RECK: variants seen among roughly 807,000 people sequenced by gnomAD.
RECK encodes reversion-inducing cysteine-rich protein with Kazal motifs.
In RECK, 69 loss-of-function variants were observed where a neutral mutation model predicts 115.1. The ratio of observed to expected loss-of-function variants is 0.60; its 90% CI spans 0.49 to 0.73. RECK has a LOEUF of 0.73. Among genes scored for constraint, RECK ranks in the 30% least tolerant of loss-of-function variants. The pLI is 0.00. For synonymous variants in RECK, 414 were observed against 419.7 expected (o/e 0.99, Z 0.17); for missense variants, 1,047 against 1,203.7 (o/e 0.87, Z 1.93).
chr9:36,091,349 A>T lies in RECK; in HGVS notation c.1085+6A>T. ...TGTACTAATTTTAACAACAGGTAAG[A>T]CAAATTATTATACATGGAATGGAAA... On this transcript the variant is annotated splice_donor_region_variant and intron_variant, in intron 10 of 20. Transcript: ENST00000377966. The T allele has an allele frequency of 6.8e-7, 1 of 1,470,412 alleles. No homozygotes were observed. Among genetic ancestry groups the T allele is most frequent in the East Asian group, 2.5e-5 (1 of 40,088 alleles). 91.1% of individuals were successfully genotyped at this position (1,470,412 alleles called of 1,614,324 possible).
chr9:36,045,853 C>T (rs1006588232), intron 1 of RECK, among the ~76,000 whole-genome samples: 1 of 152,094 alleles, frequency 6.6e-6, no homozygotes, highest in African/African-American at 2.4e-5. Context: ...TGGCCAAAAC[C>T]AGCAGCTGAA....
chr9:36,078,240 C>A (rs1255882988), intron 6 of RECK, among the ~76,000 whole-genome samples: 1 of 152,232 alleles, frequency 6.6e-6, no homozygotes, highest in Non-Finnish European at 1.5e-5. Flanking sequence ...TGGCCTCTGA[C>A]TTCTATTAAA....
intron 1 of RECK, among the ~76,000 whole-genome samples, chr9:36,049,491 C>T (rs1165650573): frequency 6.6e-6 from 1 of 151,390 alleles, no homozygotes; most frequent in Admixed American, 6.6e-5. Context: ...AATACACTAA[C>T]ACTAATGCAA....
chr9:36,104,310 A>ATAT (rs1823690965), intron 12 of RECK, among the ~76,000 whole-genome samples: 1 of 59,156 alleles, frequency 1.7e-5, no homozygotes, highest in Non-Finnish European at 2.8e-5. Flanking sequence ...ATATATATAT[A>ATAT]TATATATATA....
chr9:36,051,209 A>T (rs1821287111), intron 1 of RECK, among the ~76,000 whole-genome samples: 1 of 152,138 alleles, frequency 6.6e-6, no homozygotes, highest in South Asian at 2.1e-4. Context: ...TCTCATAAAC[A>T]CTTGGTTTTA....
chr9:36,093,802 T>C (rs768087274), intron 10 of RECK, among the ~76,000 whole-genome samples: 23 of 152,082 alleles, frequency 1.5e-4, no homozygotes, highest in Admixed American at 1.2e-3. Context: ...TAGCACATTA[T>C]AGTCAAACTG....
chr9:36,082,188 C>CTCTCTCTCTCTCTCTCTCTCTCT (rs1401784584), intron 7 of RECK, among the ~76,000 whole-genome samples: 8 of 146,506 alleles, frequency 5.5e-5, no homozygotes, highest in East Asian at 4.0e-4. Flanking sequence ...CTCTCTCTCT[C>CTCTCTCTCTCTCTCTCTCTCTCT]CTTTTTTCTT....
intron 14 of RECK, among the ~76,000 whole-genome samples, chr9:36,109,177 T>G (rs1182204651): frequency 6.6e-6 from 1 of 152,152 alleles, no homozygotes; most frequent in East Asian, 1.9e-4. Context: ...TTTCACTGAC[T>G]AAATGCCTAT....
chr9:36,040,434 G>A (rs886068944), intron 1 of RECK, among the ~76,000 whole-genome samples: 16 of 152,106 alleles, frequency 1.1e-4, no homozygotes, highest in African/African-American at 3.9e-4. Flanking sequence ...TAAGGCATAA[G>A]GAACAAAAGG....
intron 4 of RECK, among the ~76,000 whole-genome samples, chr9:36,062,159 A>C (rs899038771): frequency 8.4e-6 from 1 of 118,648 alleles, no homozygotes; most frequent in Non-Finnish European, 1.8e-5. Flanking sequence ...TGCATCTCCT[A>C]CTTTTTTTTT....
intron 2 of RECK, among the ~76,000 whole-genome samples, chr9:36,056,755 T>TAGG (rs200343640): frequency 0.025 from 3,866 of 152,324 alleles, 169 homozygotes; most frequent in African/African-American, 0.087. Flanking sequence ...ACAGCTACCT[T>TAGG]AGCCAGATCC....
intron 15 of RECK, among the ~76,000 whole-genome samples, chr9:36,110,737 T>A (rs962440109): frequency 5.9e-5 from 9 of 151,880 alleles, no homozygotes; most frequent in African/African-American, 2.2e-4. Context: ...TGCCCCCATT[T>A]CACACTGCTG....
intron 10 of RECK, among the ~76,000 whole-genome samples, chr9:36,093,982 G>T (rs1823251184): frequency 6.7e-6 from 1 of 149,616 alleles, no homozygotes; most frequent in South Asian, 2.1e-4. Flanking sequence ...AGTACTCAGA[G>T]AAAAAAAAAT....
At chr9:36,112,587 C>A in intron 16 of RECK, 111 bp downstream of exon 16, 1 of 1,173,188 alleles carries the variant, frequency 8.5e-7, no homozygotes, top group Admixed American at 2.2e-5. Context: ...CGCTGCTGCC[C>A]TGAAGAGTTT....
At position 36,116,782 on chromosome 9, in the gene RECK, G is replaced by C. The variant is rs1207443774; in HGVS notation, c.2061-203G>C. Among the ~76,000 whole-genome samples, 8 of 152,242 alleles carry C rather than the reference G, an allele frequency of 5.3e-5. No individual in the cohort carries two copies. In the South Asian group the frequency reaches 1.7e-3, roughly 32 times the overall value. On this transcript the variant is annotated intron_variant, in intron 16 of 20. Coordinates refer to ENST00000377966, the MANE Select transcript of RECK (RefSeq NM_021111.3). ...AGACGAGAATGACTCATCCCCGCAA[G>C]CTTTGTGCACATCTTTTCTACTTTT...
chr9:36,118,737 T>C lies in RECK; in HGVS notation c.2254-20T>C. 1.2e-6 allele frequency: 2 copies of C among 1,610,176 alleles called. No homozygotes were observed. Among genetic ancestry groups the C allele is most frequent in the Non-Finnish European group, 1.7e-6 (2 of 1,177,392 alleles). On this transcript the variant is annotated intron_variant, in intron 17 of 20. Transcript: ENST00000377966. ...ACAACATAGACATTTCCAGGCTAAATGTGATTTGTTTGCCCTCAGCCCTTT... is the reference window on the plus strand; with the variant it reads ...ACAACATAGACATTTCCAGGCTAAACGTGATTTGTTTGCCCTCAGCCCTTT...
chr9:36,082,152 T>TTCTCTCTCTCTCTTTCTCTCTCTCTC (rs373078886), intron 7 of RECK, among the ~76,000 whole-genome samples: 16 of 113,710 alleles, frequency 1.4e-4, no homozygotes, highest in African/African-American at 4.8e-4. Context: ...CCTCCCTGCT[T>TTCTCTCTCTCTCTTTCTCTCTCTCTC]TCTCTCTCTC....
At chr9:36,100,248 C>A in intron 10 of RECK, 83 bp from the exon 11 acceptor site, 1 of 1,076,744 alleles carries the variant, frequency 9.3e-7, no homozygotes, top group Non-Finnish European at 1.4e-6. Context: ...TTTTCTGATG[C>A]ATTAGTATGT....
intron 7 of RECK, among the ~76,000 whole-genome samples, chr9:36,082,107 C>G (rs1194676984): frequency 6.7e-6 from 1 of 148,782 alleles, no homozygotes; most frequent in African/African-American, 2.5e-5. Flanking sequence ...GATTCTGGTT[C>G]CTCCATATCT....
Sources: gnomAD v4.1 joint callset for allele counts (sites outside exome capture counted in the v4.1 genomes callset) on GRCh38, gnomAD v4.1.1 for gene constraint, MANE v1.5 for transcripts, NCBI Gene and HGNC (gene_info 2026-07-23, HGNC 2026-07-21) for gene names.